TMEM17: variants seen among roughly 807,000 people sequenced by gnomAD.
The protein encoded by TMEM17 is transmembrane protein 17.
Under a neutral mutation model 19.1 loss-of-function variants are expected in TMEM17, and 15 were observed. The ratio of observed to expected loss-of-function variants is 0.78; its 90% CI spans 0.52 to 1.21. The LOEUF (loss-of-function observed/expected upper bound fraction) is 1.21, where lower values mean the gene tolerates loss of function less well. Ranked by LOEUF, TMEM17 falls within the 50% of genes most tolerant of loss-of-function variation. The pLI, the probability that TMEM17 is intolerant of heterozygous loss-of-function variation, is 0.00. For missense variants in TMEM17, 245 were observed against 242.3 expected, an observed-to-expected ratio of 1.01 and a Z score of -0.07; for synonymous variants, 103 against 86.9, an observed-to-expected ratio of 1.19 and a Z score of -1.03.
chr2:62,462,101 C>G, the TMEM17 span, among the ~76,000 whole-genome samples: 1 of 152,214 alleles, frequency 6.6e-6, no homozygotes, highest in Non-Finnish European at 1.5e-5. Context: ...GAACAATTCT[C>G]TCCTCCATCC....
chr2:62,465,759 A>G, the TMEM17 span, among the ~76,000 whole-genome samples: 1 of 152,200 alleles, frequency 6.6e-6, no homozygotes, highest in Admixed American at 6.5e-5. Context: ...GACTTGAAAA[A>G]TAGTAAGGGT....
the TMEM17 span, among the ~76,000 whole-genome samples, chr2:62,467,904 A>G: frequency 6.9e-6 from 1 of 145,660 alleles, no homozygotes; most frequent in Non-Finnish European, 1.5e-5. Context: ...TTTTTTTTCT[A>G]ATCAGAAAAC....
the TMEM17 span, among the ~76,000 whole-genome samples, chr2:62,475,423 C>T: frequency 1.3e-5 from 2 of 152,232 alleles, no homozygotes; most frequent in Non-Finnish European, 2.9e-5. Flanking sequence ...AGAGTCCCTG[C>T]CCACCCATTT....
the TMEM17 span, among the ~76,000 whole-genome samples, chr2:62,483,367 G>C: frequency 1.1e-4 from 17 of 152,280 alleles, no homozygotes; most frequent in East Asian, 2.9e-3. Context: ...AAGAGCGAAG[G>C]CTTTGTTTTG....
At chr2:62,473,779 C>G in the TMEM17 span, among the ~76,000 whole-genome samples, 2 of 152,182 alleles carry the variant, frequency 1.3e-5, no homozygotes, top group African/African-American at 4.8e-5. Flanking sequence ...GAACTAATGA[C>G]CTGGTAATTT....
At chr2:62,480,696 C>T in the TMEM17 span, among the ~76,000 whole-genome samples, 1 of 101,566 alleles carries the variant, frequency 9.8e-6, no homozygotes, top group African/African-American at 3.2e-5. Context: ...TTGGCCCCTT[C>T]GTAAAAAAAA....
chr2:62,493,836 C>T, the TMEM17 span, among the ~76,000 whole-genome samples: 5 of 152,198 alleles, frequency 3.3e-5, no homozygotes, highest in African/African-American at 1.2e-4. Context: ...ATTTAAAAGA[C>T]TGATAACTTC....
At chr2:62,475,145 G>A in the TMEM17 span, among the ~76,000 whole-genome samples, 13 of 152,168 alleles carry the variant, frequency 8.5e-5, no homozygotes, top group African/African-American at 3.1e-4. Context: ...GCAGGAAGGG[G>A]GCTGCCCAAC....
At chr2:62,474,768 C>T in the TMEM17 span, among the ~76,000 whole-genome samples, 1 of 152,120 alleles carries the variant, frequency 6.6e-6, no homozygotes, top group Non-Finnish European at 1.5e-5. Flanking sequence ...TCCCCAGTCC[C>T]AGTTAAACTG....
chr2:62,484,321 G>A, the TMEM17 span, among the ~76,000 whole-genome samples: 720 of 152,208 alleles, frequency 4.7e-3, 5 homozygotes, highest in African/African-American at 0.016. Flanking sequence ...GTCATTTTTA[G>A]CATGGGCCCC....
At chr2:62,473,075 G>T in the TMEM17 span, among the ~76,000 whole-genome samples, 4 of 152,110 alleles carry the variant, frequency 2.6e-5, no homozygotes, top group Admixed American at 2.6e-4. Context: ...CAAAAATCAG[G>T]TGGCTTCTCA....
chr2:62,494,530 G>T, the TMEM17 span, among the ~76,000 whole-genome samples: 1 of 151,596 alleles, frequency 6.6e-6, no homozygotes, highest in African/African-American at 2.4e-5. Context: ...TCTCTTTTAG[G>T]CTATAATATT....
In TMEM17 at chr2:62,500,716, G is replaced by C. The variant is rs141742127; in HGVS notation, c.*493C>G. ...GATCTGCCCACCTCGGCCTCCCAAA[G>C]TGCTGGGATTACAGGCGTGAGCCAC... On this transcript the variant is annotated 3_prime_UTR_variant, in exon 4 of 4. Transcript: ENST00000335390. The C allele has an allele frequency of 7.7e-3, 1,171 of 152,514 alleles. 15 individuals are homozygous for C. Among genetic ancestry groups the C allele is most frequent in the African/African-American group, 0.024 (989 of 41,404 alleles). The allele number at this position is 152,514 out of a possible 1,614,324, so 9.4% of individuals were successfully genotyped here.
At chr2:62,463,323 G>A in the TMEM17 span, 1 of 152,228 alleles carries the variant, frequency 6.6e-6, no homozygotes, top group Non-Finnish European at 1.5e-5. Flanking sequence ...CCTCAGGTAA[G>A]TTACAGATCT....
chr2:62,464,946 G>A, the TMEM17 span, among the ~76,000 whole-genome samples: 1 of 152,178 alleles, frequency 6.6e-6, no homozygotes, highest in Non-Finnish European at 1.5e-5. Flanking sequence ...CTGATCTTGG[G>A]TTTTACAATA....
chr2:62,475,402 G>A, the TMEM17 span, among the ~76,000 whole-genome samples: 6 of 152,212 alleles, frequency 3.9e-5, no homozygotes, highest in Non-Finnish European at 7.3e-5. Context: ...CAGTGGGCCC[G>A]GGAACCTACG....
At chr2:62,480,790 A>C in the TMEM17 span, among the ~76,000 whole-genome samples, 4 of 152,192 alleles carry the variant, frequency 2.6e-5, no homozygotes, top group African/African-American at 4.8e-5. Flanking sequence ...TGCCAATACC[A>C]TTCTGTTTTG....
the TMEM17 span, among the ~76,000 whole-genome samples, chr2:62,467,920 C>T: frequency 1.1e-4 from 16 of 145,604 alleles, no homozygotes; most frequent in Non-Finnish European, 2.1e-4. Context: ...AAAACAGATG[C>T]GAATTGTGAA....
downstream of TMEM17, among the ~76,000 whole-genome samples, chr2:62,497,322 G>T (rs1679802113): frequency 1.3e-5 from 2 of 152,150 alleles, no homozygotes; most frequent in Admixed American, 1.3e-4. Flanking sequence ...AAACGGTTCA[G>T]GGATTCAGAA....
Sources: allele counts gnomAD v4.1 joint callset (sites outside exome capture counted in the v4.1 genomes callset), GRCh38; gene constraint gnomAD v4.1.1; transcripts MANE v1.5; gene names NCBI Gene and HGNC (gene_info 2026-07-23, HGNC 2026-07-21).